The following ZNF560 variants were observed in gnomAD, a reference collection of about 807,000 sequenced individuals.
ZNF560 encodes zinc finger protein 560.
ZNF560 carries 54 observed loss-of-function variants against 81.8 expected under a neutral mutation model. That is an observed-to-expected ratio of 0.66 (90% CI 0.53 to 0.83). The LOEUF is 0.83. ZNF560 is among the 40% of genes least tolerant of loss of function. The pLI is 0.00. For synonymous variants in ZNF560, 321 were observed against 317.9 expected (o/e 1.01, Z -0.10); for missense variants, 940 against 932.4 (o/e 1.01, Z -0.11).
the ZNF560 span, among the ~76,000 whole-genome samples, chr19:9,458,251 C>G: frequency 6.7e-6 from 1 of 148,644 alleles, no homozygotes; most frequent in Non-Finnish European, 1.5e-5. Context: ...TCTCAATAAC[C>G]ATTTTCCTAA....
rs948541244 is a variant in ZNF560, at chr19:9,468,110, A to G, written c.837T>C (p.Asn279=). 2.5e-6 allele frequency: 4 copies of G among 1,613,946 alleles called. No individual in the cohort carries two copies. The African/African-American group carries it at 5.3e-5, about 22-fold the overall frequency. The change falls in exon 10 of 10, where the codon AAT becomes AAC. Residue 279 remains asparagine, a synonymous_variant. Coordinates refer to ENST00000301480, the MANE Select transcript of ZNF560 (RefSeq NM_152476.3). The part of the protein sequence containing the change: ...KHGKSFRLIL[N]VQVQRKCTQD... ...GTGTACACTTTCTCTGGACCTGAAC[A>G]TTTAAAATCAGGCGGAAAGATTTTC...
At chr19:9,506,224 T>G in the ZNF560 span, among the ~76,000 whole-genome samples, 10 of 151,934 alleles carry the variant, frequency 6.6e-5, no homozygotes, top group Admixed American at 2.6e-4. Context: ...AACTCCTGAC[T>G]TCAGGTGATC....
At chr19:9,494,131 A>C (rs2073517248) in intron 2 of ZNF560, among the ~76,000 whole-genome samples, 1 of 98,056 alleles carries the variant, frequency 1.0e-5, no homozygotes, top group South Asian at 3.6e-4. Context: ...ACTCCATCTC[A>C]AAAAAAAAAA....
the ZNF560 span, among the ~76,000 whole-genome samples, chr19:9,504,080 T>A: frequency 3.9e-5 from 6 of 152,206 alleles, no homozygotes; most frequent in Non-Finnish European, 8.8e-5. Context: ...CATTATAGAT[T>A]TCTAGCTTAA....
At chr19:9,471,802 G>A (rs886106545) in intron 5 of ZNF560, among the ~76,000 whole-genome samples, 1 of 152,182 alleles carries the variant, frequency 6.6e-6, no homozygotes, top group Non-Finnish European at 1.5e-5. Flanking sequence ...TGTGAGAGAA[G>A]GTGCATCTTA....
chr19:9,501,314 A>C (rs2073630765), upstream of ZNF560, among the ~76,000 whole-genome samples: 2 of 141,064 alleles, frequency 1.4e-5, no homozygotes, highest in African/African-American at 5.4e-5. Context: ...ACGCATCACC[A>C]TGCCTGGCTA....
chr19:9,463,856 C>T (rs8107769), downstream of ZNF560, among the ~76,000 whole-genome samples: 103,284 of 151,938 alleles, frequency 0.68, 36,205 homozygotes, highest in African/African-American at 0.85. Flanking sequence ...CTAATCTTTA[C>T]ATTTTTTGTA....
the ZNF560 span, among the ~76,000 whole-genome samples, chr19:9,505,613 G>A: frequency 6.6e-6 from 1 of 152,280 alleles, no homozygotes; most frequent in Admixed American, 6.5e-5. Flanking sequence ...CTCCACTGCT[G>A]ATTTTTTTGT....
chr19:9,473,039 C>T (rs1353500319), intron 5 of ZNF560, 140 bp downstream of exon 5: 4 of 708,556 alleles, frequency 5.6e-6, no homozygotes, highest in Non-Finnish European at 9.9e-6. Flanking sequence ...CCTGCAGAAT[C>T]GTGAGCCAAA....
chr19:9,447,510 A>T, the ZNF560 span, among the ~76,000 whole-genome samples: 1 of 140,932 alleles, frequency 7.1e-6, no homozygotes, highest in Non-Finnish European at 1.6e-5. Flanking sequence ...AATAAGAAAT[A>T]AACATCTTAA....
the ZNF560 span, among the ~76,000 whole-genome samples, chr19:9,505,306 C>T: frequency 1.3e-5 from 2 of 152,108 alleles, no homozygotes; most frequent in Admixed American, 6.6e-5. Flanking sequence ...ACTTAAAGTT[C>T]GTTTGTCTGA....
the ZNF560 span, among the ~76,000 whole-genome samples, chr19:9,449,212 A>G: frequency 0.048 from 7,306 of 152,304 alleles, 604 homozygotes; most frequent in African/African-American, 0.17. Flanking sequence ...TCTCGTCTGC[A>G]CACAGAACAC....
intron 2 of ZNF560, among the ~76,000 whole-genome samples, chr19:9,491,825 CAAAAA>C (rs1337657281): frequency 3.5e-5 from 1 of 28,948 alleles, no homozygotes; most frequent in Non-Finnish European, 6.6e-5. Context: ...GACTCCGTCT[CAAAAA>C]AAAAAAAAAA....
intron 2 of ZNF560, among the ~76,000 whole-genome samples, chr19:9,477,896 A>C (rs2073227434): frequency 6.6e-6 from 1 of 152,208 alleles, no homozygotes; most frequent in African/African-American, 2.4e-5. Context: ...AAAAATTACA[A>C]GATTCAAGGG....
In ZNF560 at chr19:9,469,440, G is replaced by C. The variant is rs146380758; in HGVS notation, c.529+190C>G. Among the ~76,000 whole-genome samples the C allele has an allele frequency of 3.3e-5, 5 of 152,158 alleles. No individual in the cohort carries two copies. The East Asian group carries it at 9.6e-4, about 29-fold the overall frequency. ...CAATAAATCCATAAACATAAAGAAG[G>C]TCATTTGTTAGGTAATAGGGAAGTC... On this transcript the variant is annotated intron_variant, in intron 8 of 9. Transcript: ENST00000301480.
chr19:9,461,164 T>C, the ZNF560 span, among the ~76,000 whole-genome samples: 1 of 152,324 alleles, frequency 6.6e-6, no homozygotes, highest in South Asian at 2.1e-4. Flanking sequence ...TAATCCTAAT[T>C]ACATTTTAGA....
At chr19:9,475,453 G>A (rs1394780161) in intron 2 of ZNF560, 84 bp from the exon 3 acceptor site, 20 of 720,680 alleles carry the variant, frequency 2.8e-5, no homozygotes, top group Middle Eastern at 2.5e-4. Context: ...AACCTGGTTC[G>A]AAATTCTCTT....
intron 2 of ZNF560, among the ~76,000 whole-genome samples, chr19:9,495,337 A>T (rs1469709504): frequency 1.3e-5 from 2 of 152,162 alleles, no homozygotes; most frequent in East Asian, 3.9e-4. Context: ...TTTAAAAAAG[A>T]AATAGAATAT....
the ZNF560 span, among the ~76,000 whole-genome samples, chr19:9,460,371 T>C: frequency 1.3e-5 from 2 of 152,232 alleles, no homozygotes; most frequent in African/African-American, 2.4e-5. Context: ...GTGATCACCA[T>C]TGCCATGAGT....
Sources: allele counts gnomAD v4.1 joint callset (sites outside exome capture counted in the v4.1 genomes callset), GRCh38; gene constraint gnomAD v4.1.1; transcripts MANE v1.5; gene names NCBI Gene and HGNC (gene_info 2026-07-23, HGNC 2026-07-21).